Variants in LCMT1 observed in about 807,000 individuals in gnomAD.
LCMT1 encodes leucine carboxyl methyltransferase 1.
In LCMT1, 32 loss-of-function variants were observed where a neutral mutation model predicts 47.7. The ratio of observed to expected loss-of-function variants is 0.67; its 90% CI spans 0.51 to 0.90. The LOEUF (loss-of-function observed/expected upper bound fraction) is 0.90. LCMT1 is among the 40% of genes least tolerant of loss of function. The probability of loss-of-function intolerance (pLI) is 0.00; values close to 1 mark genes in which losing one functional copy is unlikely to be tolerated. For synonymous variants in LCMT1, 152 were observed against 149.7 expected, an observed-to-expected ratio of 1.02 and a Z score of -0.11; for missense variants, 375 against 415.2, an observed-to-expected ratio of 0.90 and a Z score of 0.84.
At chr16:25,132,341 C>A in intron 2 of LCMT1, 61 bp from the exon 3 acceptor site, 1 of 1,598,816 alleles carries the variant, frequency 6.3e-7, no homozygotes, top group Non-Finnish European at 8.5e-7. Context: ...GTGGGCTTCA[C>A]AGGGATAATT....
rs369503396 is a variant in LCMT1, at chr16:25,170,759, G to A, written c.838G>A (p.Asp280Asn). The A allele has an allele frequency of 9.6e-5, 155 of 1,613,402 alleles. No homozygotes were observed. Among genetic ancestry groups the A allele is most frequent in the Middle Eastern group, 1.6e-4 (1 of 6,084 alleles). The change falls in exon 9 of 11, where the codon GAC (aspartate) becomes AAC (asparagine). Residue 280 changes from aspartate to asparagine, a missense_variant. Physicochemically the swap from Asp to Asn is conservative, Grantham distance 23 (BLOSUM62 1). Transcript: ENST00000399069. ...TGGGTGGGAAACAGCATCGGCCGTC[G>A]ACATGATGGAGTTGTACAACAGGTT... ...SNGWETASAV[D>N]MMELYNRLPR...
Position 25,178,093 on chromosome 16 carries a change from C to G in LCMT1, c.*70C>G. On this transcript the variant is annotated 3_prime_UTR_variant, in exon 11 of 11. Coordinates refer to ENST00000399069, the MANE Select transcript of LCMT1 (RefSeq NM_016309.3). The stretch of plus-strand genomic sequence containing the variant: ...CTCCTGGAGGAGACCTGCAAGCTCC[C>G]TGAGCGGTGGGCGGGCCTCGTCCGC... 1 of 1,507,576 alleles carries G rather than the reference C, an allele frequency of 6.6e-7. No homozygotes were observed. Among genetic ancestry groups the G allele is most frequent in the Non-Finnish European group, 9.2e-7 (1 of 1,087,538 alleles). The allele number at this position is 1,507,576 out of a possible 1,614,324, so 93.4% of individuals were successfully genotyped here.
chr16:25,130,306 C>T (rs1466396499), intron 2 of LCMT1, among the ~76,000 whole-genome samples: 1 of 147,324 alleles, frequency 6.8e-6, no homozygotes, highest in African/African-American at 2.5e-5. Context: ...CGCCACTGCA[C>T]TCCAGTCTGG....
At position 25,132,519 on chromosome 16, in the gene LCMT1, T is replaced by G. The variant is rs763919715; in HGVS notation, c.323T>G (p.Leu108Ter). Reference sequence around the variant, plus strand: ...GGCATGGATACCACCTTCTGGAGATTAAAGGTATGTTCAAATTCCCCTCCT... The same window carrying G: ...GGCATGGATACCACCTTCTGGAGATGAAAGGTATGTTCAAATTCCCCTCCT... ...GAGMDTTFWR[L>*]KDEDLLPSKY... The change falls in exon 3 of 11, where the codon TTA (leucine) becomes TGA (stop). Residue 108 changes from leucine to a stop codon, truncating the protein, a stop_gained. Transcript: ENST00000399069. LOFTEE classifies it high-confidence loss of function. 3 of 1,613,590 alleles carry G rather than the reference T, an allele frequency of 1.9e-6. No individual in the cohort carries two copies. Among genetic ancestry groups the G allele is most frequent in the South Asian group, 2.2e-5 (2 of 90,990 alleles).
At chr16:25,158,632 GCT>G (rs1961332604) in intron 5 of LCMT1, among the ~76,000 whole-genome samples, 1 of 152,202 alleles carries the variant, frequency 6.6e-6, no homozygotes, top group African/African-American at 2.4e-5. Context: ...TCTTGCCAGT[GCT>G]AGATTTTATA....
At chr16:25,138,170 G>T (rs547666244) in intron 3 of LCMT1, among the ~76,000 whole-genome samples, 2 of 152,194 alleles carry the variant, frequency 1.3e-5, no homozygotes, top group African/African-American at 2.4e-5. Flanking sequence ...TAAGTGGAGA[G>T]GGGGAGAGGC....
chr16:25,170,573 T>A, intron 8 of LCMT1, 141 bp from the exon 9 acceptor site: 2 of 619,494 alleles, frequency 3.2e-6, no homozygotes, highest in South Asian at 2.2e-5. Context: ...AAGGCTGCAG[T>A]GAGCTGTGAT....
At chr16:25,161,326 AT>A (rs1961426569) in intron 6 of LCMT1, 122 bp downstream of exon 6, 1 of 517,268 alleles carries the variant, frequency 1.9e-6, no homozygotes, top group Non-Finnish European at 3.4e-6. Flanking sequence ...GAGTTTTATC[AT>A]TTCATTGCTA....
intron 5 of LCMT1, 115 bp downstream of exon 5, chr16:25,151,730 T>C (rs1178805999): frequency 1.7e-6 from 1 of 593,562 alleles, no homozygotes; most frequent in Non-Finnish European, 2.9e-6. Flanking sequence ...TGTGGTGTTA[T>C]ACAATGTATT....
chr16:25,117,760 G>C (rs537439681), intron 1 of LCMT1, among the ~76,000 whole-genome samples: 2 of 152,090 alleles, frequency 1.3e-5, no homozygotes, highest in South Asian at 4.2e-4. Flanking sequence ...GCTGAGATGG[G>C]AGAATCGCTT....
At chr16:25,137,822 G>A (rs1465490380) in intron 3 of LCMT1, among the ~76,000 whole-genome samples, 1 of 152,040 alleles carries the variant, frequency 6.6e-6, no homozygotes, top group Admixed American at 6.6e-5. Context: ...TATGTGGGAG[G>A]GTGCTGTATC....
Position 25,111,787 on chromosome 16 carries a change from C to A in LCMT1, c.-97C>A. The A allele has an allele frequency of 1.2e-6, 1 of 818,326 alleles. No homozygotes were observed. The highest frequency in any genetic ancestry group is 1.5e-5 in the South Asian group (1 of 67,252). The allele number at this position is 818,326 out of a possible 1,614,324, so 50.7% of individuals were successfully genotyped here. ...GAGCCAGGTAGGGCCCTACCCTCTT[C>A]TGTTGCTTTCTCCCTGTGGCTCGCG... is the stretch of plus-strand genomic sequence containing the variant. On this transcript the variant is annotated 5_prime_UTR_variant, in exon 1 of 11. It adds an upstream start codon to the 5' untranslated region. Coordinates refer to ENST00000399069, the MANE Select transcript of LCMT1 (RefSeq NM_016309.3).
chr16:25,164,462 CTG>C, intron 6 of LCMT1, 134 bp from the exon 7 acceptor site: 1 of 901,060 alleles, frequency 1.1e-6, no homozygotes, highest in Non-Finnish European at 1.7e-6. Context: ...CCTGTCCTGA[CTG>C]GGGCTGTGCT....
Position 25,169,104 on chromosome 16 carries a change from C to T in LCMT1, c.691-8C>T. 1.9e-6 allele frequency: 3 copies of T among 1,594,408 alleles called. No homozygotes were observed. The highest frequency in any genetic ancestry group is 1.7e-6 in the Non-Finnish European group (2 of 1,162,734). On this transcript the variant is annotated splice_region_variant and splice_polypyrimidine_tract_variant and intron_variant, in intron 7 of 10. Transcript: ENST00000399069. Reference sequence around the variant, plus strand: ...AGAGTAATATCTTACCTTCTCTTTCCCTCCTAGGTGAACATGGGTGATCGG... The same window carrying T: ...AGAGTAATATCTTACCTTCTCTTTCTCTCCTAGGTGAACATGGGTGATCGG...
chr16:25,173,044 C>T (rs960068956), intron 9 of LCMT1, among the ~76,000 whole-genome samples: 13 of 152,208 alleles, frequency 8.5e-5, no homozygotes, highest in Non-Finnish European at 1.6e-4. Flanking sequence ...TTGTCTATGC[C>T]AGGTCGAACA....
chr16:25,129,236 A>G (rs1342047308), intron 2 of LCMT1, among the ~76,000 whole-genome samples: 1 of 151,908 alleles, frequency 6.6e-6, no homozygotes, highest in Non-Finnish European at 1.5e-5. Flanking sequence ...TATATATGGC[A>G]TATATATACC....
chr16:25,117,911 G>A (rs1267658588), intron 1 of LCMT1, among the ~76,000 whole-genome samples: 5 of 151,518 alleles, frequency 3.3e-5, no homozygotes, highest in Non-Finnish European at 7.4e-5. Context: ...TCCCTCTTGT[G>A]CAGTCACCCA....
chr16:25,176,223 C>CT (rs1961931511), intron 10 of LCMT1, among the ~76,000 whole-genome samples: 2 of 152,296 alleles, frequency 1.3e-5, no homozygotes, highest in African/African-American at 2.4e-5. Context: ...CTGGGCTTGC[C>CT]TCCCCCAGTG....
At chr16:25,174,753 A>G (rs1350752198) in intron 9 of LCMT1, 184 bp from the exon 10 acceptor site, 1 of 372,706 alleles carries the variant, frequency 2.7e-6, no homozygotes, top group Non-Finnish European at 4.8e-6. Context: ...GACTTTGTTT[A>G]TGGTATTTTT....
Sources: allele counts gnomAD v4.1 joint callset (sites outside exome capture counted in the v4.1 genomes callset), GRCh38; gene constraint gnomAD v4.1.1; transcripts MANE v1.5; gene names NCBI Gene and HGNC (gene_info 2026-07-23, HGNC 2026-07-21).